Variants in ANKFY1 observed in about 807,000 individuals in gnomAD.
ANKFY1 encodes ankyrin repeat and FYVE domain-containing protein 1.
In ANKFY1, 47 loss-of-function variants were observed where a neutral mutation model predicts 128.3. The observed-to-expected ratio is 0.37, with a 90% CI of 0.29 to 0.47. The LOEUF is 0.47. Ranked by LOEUF, ANKFY1 falls within the 20% of genes least tolerant of loss-of-function variation. ANKFY1 has a pLI of 1.00. For synonymous variants in ANKFY1, 553 were observed against 601.6 expected, an observed-to-expected ratio of 0.92 and a Z score of 1.18; for missense variants, 1,222 against 1,510.6, an observed-to-expected ratio of 0.81 and a Z score of 3.17.
intron 7 of ANKFY1, among the ~76,000 whole-genome samples, chr17:4,204,525 C>T (rs971772972): frequency 1.3e-5 from 2 of 152,120 alleles, no homozygotes; most frequent in African/African-American, 2.4e-5. Flanking sequence ...TACTTGCAAG[C>T]AATTAATAAA....
At chr17:4,228,123 G>A (rs953351280) in intron 3 of ANKFY1, among the ~76,000 whole-genome samples, 3 of 151,992 alleles carry the variant, frequency 2.0e-5, no homozygotes, top group Admixed American at 1.3e-4. Context: ...AAAAAAGTGT[G>A]GTATTTTCAT....
chr17:4,184,890 G>A lies in ANKFY1; in HGVS notation c.1627C>T (p.Leu543=). The stretch of plus-strand genomic sequence containing the variant: ...ATCGCCATGTGCAGTGGCGTCTGCA[G>A]ATGGACGCTGTCCGCCAAGCTGGTC... ...SLTSLADSVH[L]QTPLHMAIAY... Residue 543 remains leucine, a synonymous_variant, in exon 12 of 25, where the codon CTG becomes TTG. Coordinates refer to ENST00000341657, the MANE Select transcript of ANKFY1 (RefSeq NM_001330063.2). The A allele has an allele frequency of 1.2e-6, 2 of 1,614,088 alleles. No individual in the cohort carries two copies. Among genetic ancestry groups the A allele is most frequent in the Non-Finnish European group, 1.7e-6 (2 of 1,180,048 alleles).
Position 4,169,251 on chromosome 17 carries a change from G to C in ANKFY1, c.3324C>G (p.Ser1108=). Residue 1108 remains serine (S), a synonymous_variant, in exon 24 of 25, where the codon TCC becomes TCG. Transcript: ENST00000341657. This position sits in a 1 kb window ranked among gnomAD's most constrained non-coding sequence, Gnocchi z 5.0. ...LSKEPPWCDG[S]YCYECTARFG... Reference sequence around the variant, plus strand: ...ACCTGGCAGTGCACTCATAGCAGTAGGAGCCGTCACACCACGGAGGCTCCT... The same window carrying C: ...ACCTGGCAGTGCACTCATAGCAGTACGAGCCGTCACACCACGGAGGCTCCT... 1 of 1,552,336 alleles carries C rather than the reference G, an allele frequency of 6.4e-7. No individual in the cohort carries two copies. The highest frequency in any genetic ancestry group is 8.7e-7 in the Non-Finnish European group (1 of 1,147,630).
intron 1 of ANKFY1, among the ~76,000 whole-genome samples, chr17:4,262,285 G>T (rs1321456800): frequency 6.6e-6 from 1 of 151,960 alleles, no homozygotes; most frequent in Non-Finnish European, 1.5e-5. Context: ...ACAGGCACCC[G>T]CCATCACTCC....
In ANKFY1 at chr17:4,165,618, G is replaced by A. The variant is rs1376400681; in HGVS notation, c.*2161C>T. On this transcript the variant is annotated 3_prime_UTR_variant, in exon 25 of 25. Coordinates refer to ENST00000341657, the MANE Select transcript of ANKFY1 (RefSeq NM_001330063.2). ...CACATGGATGCGCCCTGAAGCCAAT[G>A]GAAAACAGGACTCAATGTTCTCCCA... is the stretch of plus-strand genomic sequence containing the variant. 3 of 152,220 alleles carry A rather than the reference G, an allele frequency of 2.0e-5. No homozygotes were observed. The highest frequency in any genetic ancestry group is 4.4e-5 in the Non-Finnish European group (3 of 68,046). 9.4% of individuals were successfully genotyped at this position (152,220 alleles called of 1,614,324 possible). A position where few individuals can be genotyped will look rare whatever the true frequency, so the allele number is the denominator to read the frequency against.
chr17:4,241,453 A>C (rs374502154), intron 2 of ANKFY1, among the ~76,000 whole-genome samples: 1 of 151,232 alleles, frequency 6.6e-6, no homozygotes, highest in African/African-American at 2.4e-5. Context: ...CGAATTTTTT[A>C]TATTTTTTTG....
intron 1 of ANKFY1, among the ~76,000 whole-genome samples, chr17:4,260,633 A>C (rs999853765): frequency 1.3e-5 from 2 of 151,740 alleles, no homozygotes; most frequent in African/African-American, 4.8e-5. Flanking sequence ...AAAAAAAAAA[A>C]AAAAAAAAAC....
chr17:4,172,921 G>A (rs1029207721), intron 21 of ANKFY1, among the ~76,000 whole-genome samples: 7 of 152,198 alleles, frequency 4.6e-5, no homozygotes, highest in African/African-American at 7.2e-5. Flanking sequence ...GTGCAGTGGC[G>A]CGATCTCGGC....
Position 4,242,682 on chromosome 17 carries a change from C to T in ANKFY1, c.11-234G>A, listed in dbSNP as rs557410246. Among the ~76,000 whole-genome samples the T allele has an allele frequency of 1.6e-4, 25 of 152,242 alleles. No homozygotes were observed. The East Asian group carries it at 4.6e-3, about 28-fold the overall frequency. On this transcript the variant is annotated intron_variant, in intron 1 of 24. Transcript: ENST00000341657. ...CCAAAGCAGGGGGAATCACTTGAGC[C>T]CAGGAGTTTGAGACCATCCTGGGCA...
chr17:4,205,717 G>GGGCGA, intron 7 of ANKFY1, among the ~76,000 whole-genome samples: 1 of 149,550 alleles, frequency 6.7e-6, no homozygotes, highest in Non-Finnish European at 1.5e-5. Context: ...ACTCCAGCCT[G>GGGCGA]GGCGACAGAA....
chr17:4,202,981 C>CATATATATATATAT lies in ANKFY1; in HGVS notation c.898+3326_898+3339dup, dbSNP rs56774221. 2.6e-4 allele frequency among the ~76,000 whole-genome samples: 38 copies of CATATATATATATAT among 146,294 alleles called. 1 individual carries two copies. Among genetic ancestry groups the CATATATATATATAT allele is most frequent in the African/African-American group, 8.5e-4 (34 of 40,060 alleles). ...AGTTCTTTTTACTTATAATCATACA[C>CATATATATATATAT]ATATATATATATATATATATTCACC... On this transcript the variant is annotated intron_variant, in intron 7 of 24. Transcript: ENST00000341657.
chr17:4,217,319 C>A (rs541654395), intron 3 of ANKFY1, among the ~76,000 whole-genome samples: 2 of 152,214 alleles, frequency 1.3e-5, no homozygotes, highest in Admixed American at 6.5e-5. Context: ...GAGGCTGAGG[C>A]GGGCAGATCA....
intron 7 of ANKFY1, among the ~76,000 whole-genome samples, chr17:4,200,936 G>A (rs551484104): frequency 6.6e-6 from 1 of 152,222 alleles, no homozygotes; most frequent in South Asian, 2.1e-4. Flanking sequence ...GCTCTCTCAG[G>A]TCTGTTGCCT....
At chr17:4,196,523 C>T (rs978161210) in intron 8 of ANKFY1, among the ~76,000 whole-genome samples, 1 of 152,186 alleles carries the variant, frequency 6.6e-6, no homozygotes, top group Non-Finnish European at 1.5e-5. Context: ...AGCCTTTTCT[C>T]AGATCCTACC....
intron 3 of ANKFY1, among the ~76,000 whole-genome samples, chr17:4,234,633 T>A (rs1471267635): frequency 6.6e-6 from 1 of 151,942 alleles, no homozygotes; most frequent in African/African-American, 2.4e-5. Flanking sequence ...CCACCTCAGA[T>A]TCCCAACAAG....
At chr17:4,237,628 CCA>C (rs1393722497) in intron 2 of ANKFY1, among the ~76,000 whole-genome samples, 1 of 152,120 alleles carries the variant, frequency 6.6e-6, no homozygotes, top group Non-Finnish European at 1.5e-5. Flanking sequence ...AAAATTTCTA[CCA>C]CATTCATGAA....
At position 4,213,030 on chromosome 17, in the gene ANKFY1, C is replaced by G. The variant is rs549132539; in HGVS notation, c.459-3083G>C. On this transcript the variant is annotated intron_variant, in intron 4 of 24. Transcript: ENST00000341657. ...GACCTCATGACCCGCCCGCCTCAGCCTCCCAAAGTGCTGGGATTACAGGCG... is the reference window on the plus strand; with the variant it reads ...GACCTCATGACCCGCCCGCCTCAGCGTCCCAAAGTGCTGGGATTACAGGCG... 1.8e-4 allele frequency among the ~76,000 whole-genome samples: 27 copies of G among 152,214 alleles called. No individual in the cohort carries two copies. In the South Asian group the frequency reaches 5.4e-3, roughly 30 times the overall value.
At chr17:4,201,749 A>G (rs1325812686) in intron 7 of ANKFY1, among the ~76,000 whole-genome samples, 5 of 152,066 alleles carry the variant, frequency 3.3e-5, no homozygotes, top group African/African-American at 1.2e-4. Context: ...CAAAGCTTAG[A>G]TTTCTTCACA....
At chr17:4,186,796 C>A in intron 11 of ANKFY1, 1 of 988,026 alleles carries the variant, frequency 1.0e-6, no homozygotes, top group Non-Finnish European at 1.2e-6. Flanking sequence ...ATCTACTCCA[C>A]GGCTTCTGCC....
Sources: gnomAD v4.1 joint callset for allele counts (sites outside exome capture counted in the v4.1 genomes callset) on GRCh38, gnomAD v4.1.1 for gene constraint, Gnocchi (gnomAD v3.1) non-coding constraint, MANE v1.5 for transcripts, NCBI Gene and HGNC (gene_info 2026-07-23, HGNC 2026-07-21) for gene names.